Variants in DDX23 observed in about 807,000 individuals in gnomAD.
The protein encoded by DDX23 is DEAD-box helicase 23.
Under a neutral mutation model 102.7 loss-of-function variants are expected in DDX23, and 33 were observed. That is an observed-to-expected ratio of 0.32 (90% CI 0.24 to 0.43). The LOEUF (loss-of-function observed/expected upper bound fraction) is 0.43, where lower values mean the gene tolerates loss of function less well. DDX23 is among the 20% of genes least tolerant of loss of function. The pLI, the probability that DDX23 is intolerant of heterozygous loss-of-function variation, is 1.00. For missense variants in DDX23, 549 were observed against 1,086.6 expected, an observed-to-expected ratio of 0.51 and a Z score of 6.96; for synonymous variants, 352 against 376.0, an observed-to-expected ratio of 0.94 and a Z score of 0.74.
chr12:48,831,351 TG>T (rs780957262), intron 15 of DDX23, 35 bp from the exon 16 acceptor site: 1 of 1,609,468 alleles, frequency 6.2e-7, no homozygotes, highest in Non-Finnish European at 8.5e-7. Context: ...GAGTGAGCAA[TG>T]CAATCAAGGA....
At chr12:48,846,857 C>T (rs965411051) in intron 1 of DDX23, among the ~76,000 whole-genome samples, 4 of 152,076 alleles carry the variant, frequency 2.6e-5, no homozygotes, top group Non-Finnish European at 4.4e-5. Flanking sequence ...TGGGAGACAC[C>T]GAACACCACT....
At chr12:48,843,842 C>T (rs1431476793) in intron 3 of DDX23, 98 bp downstream of exon 3, 2 of 1,375,350 alleles carry the variant, frequency 1.5e-6, no homozygotes, top group African/African-American at 2.9e-5. Context: ...GCCACCACGC[C>T]TGGCGAGAAA....
At chr12:48,845,082 G>A (rs931425997) in intron 2 of DDX23, among the ~76,000 whole-genome samples, 7 of 151,044 alleles carry the variant, frequency 4.6e-5, no homozygotes, top group Admixed American at 2.6e-4. Flanking sequence ...AACCTGGGAG[G>A]CAGAGGTTGC....
chr12:48,831,278 C>T lies in DDX23; in HGVS notation c.2103G>A (p.Glu701=), dbSNP rs761509609. The T allele has an allele frequency of 8.7e-6, 14 of 1,614,100 alleles. No homozygotes were observed. In the African/African-American group the frequency reaches 1.3e-4, roughly 15 times the overall value. The part of the protein sequence containing the change: ...ACTLHGGKGQ[E]QREFALSNLK... ...GGTTGGACAACGCAAACTCTCGCTG[C>T]TCCTGGCCTTTTCCACCGTGCAGTG... is the stretch of plus-strand genomic sequence containing the variant. Residue 701 remains glutamate (E), a synonymous_variant, in exon 16 of 17, where the codon GAG becomes GAA. Coordinates refer to ENST00000308025, the MANE Select transcript of DDX23 (RefSeq NM_004818.3).
In DDX23 at chr12:48,836,828, T is replaced by G; in HGVS notation, c.1011-34A>C. 1 of 1,613,090 alleles carries G rather than the reference T, an allele frequency of 6.2e-7. No individual in the cohort carries two copies. Among genetic ancestry groups the G allele is most frequent in the Non-Finnish European group, 8.5e-7 (1 of 1,179,202 alleles). ...GGGTGTGAGGAGTAAGTAGAATCAG[T>G]GCCCTCCAACTCCTTTCTGTAGAGC... is the stretch of plus-strand genomic sequence containing the variant. On this transcript the variant is annotated intron_variant, in intron 9 of 16. Transcript: ENST00000308025. The surrounding 1 kb of genome is among the most constrained non-coding windows in gnomAD (Gnocchi z 6.1).
Position 48,836,918 on chromosome 12 carries a change from G to C in DDX23, c.986C>G (p.Thr329Ser). 6.2e-7 allele frequency: 1 copy of C among 1,613,762 alleles called. No individual in the cohort carries two copies. The highest frequency in any genetic ancestry group is 8.5e-7 in the Non-Finnish European group (1 of 1,180,038). The part of the protein sequence containing the change: ...FYGDLMEKRR[T>S]LEEKEQEEAR... ...CTCCTCCTGCTCCTTTTCTTCCAGG[G>C]TTCGCCTCTTCTCCATTAGGTCTCC... Residue 329 changes from threonine to serine, a missense_variant, in exon 9 of 17, where the codon ACC becomes AGC. Physicochemically the swap from Thr to Ser is moderately conservative, Grantham distance 58. Around this residue, in one of 4 missense-constraint regions of DDX23, gnomAD observed 270 missense variants for 707.0 expected, o/e 0.38. Coordinates refer to ENST00000308025, the MANE Select transcript of DDX23 (RefSeq NM_004818.3). This position sits in a 1 kb window ranked among gnomAD's most constrained non-coding sequence, Gnocchi z 6.1.
Position 48,832,179 on chromosome 12 carries a change from G to A in DDX23, c.1963C>T (p.Leu655=). 1 of 1,613,980 alleles carries A rather than the reference G, an allele frequency of 6.2e-7. No individual in the cohort carries two copies. The highest frequency in any genetic ancestry group is 1.1e-5 in the South Asian group (1 of 91,080). The change falls in exon 15 of 17, where the codon CTG becomes TTG. Residue 655 remains leucine, a synonymous_variant. Coordinates refer to ENST00000308025, the MANE Select transcript of DDX23 (RefSeq NM_004818.3). The surrounding 1 kb of genome is among the most constrained non-coding windows in gnomAD (Gnocchi z 4.4). ...AAGCCTTGCTCCAAGATTGCCAGCA[G>A]CTTTTTCCTGGAAGGAAGAGGAGAA... is the stretch of plus-strand genomic sequence containing the variant. ...LMSESEKRKK[L]LAILEQGFDP... is the part of the protein sequence containing the mutation.
At chr12:48,834,288 C>G (rs1938432858) in intron 12 of DDX23, 32 bp downstream of exon 12, 2 of 1,583,194 alleles carry the variant, frequency 1.3e-6, no homozygotes, top group Admixed American at 1.8e-5. Flanking sequence ...CCTTCCCAGA[C>G]AGCAGGCTGG....
chr12:48,844,640 T>A (rs1247964849), intron 2 of DDX23, among the ~76,000 whole-genome samples: 2 of 151,012 alleles, frequency 1.3e-5, no homozygotes, highest in Non-Finnish European at 3.0e-5. Context: ...CAACTTTTTT[T>A]TTTTTTATTT....
At chr12:48,842,285 C>G in intron 3 of DDX23, among the ~76,000 whole-genome samples, 1 of 147,472 alleles carries the variant, frequency 6.8e-6, no homozygotes, top group Non-Finnish European at 1.5e-5. Flanking sequence ...GGGGTCAGCC[C>G]CCGGCCCGGC....
At chr12:48,835,391 G>A (rs902703875) in intron 11 of DDX23, among the ~76,000 whole-genome samples, 3 of 151,882 alleles carry the variant, frequency 2.0e-5, no homozygotes, top group African/African-American at 7.3e-5. Context: ...TGGCCAACAT[G>A]GTGAAACCTC....
chr12:48,851,489 G>C (rs1938758093), intron 1 of DDX23, among the ~76,000 whole-genome samples: 2 of 151,314 alleles, frequency 1.3e-5, no homozygotes, highest in South Asian at 4.2e-4. Context: ...AAAAAGAAAA[G>C]AAAAGAAAAA....
intron 1 of DDX23, among the ~76,000 whole-genome samples, chr12:48,848,156 G>C (rs2137497689): frequency 6.6e-6 from 1 of 152,096 alleles, no homozygotes; most frequent in South Asian, 2.1e-4. Flanking sequence ...CGTGGTGGTG[G>C]GCGCCTGTAG....
chr12:48,848,412 G>A lies in DDX23; in HGVS notation c.1-2630C>T, dbSNP rs573277709. On this transcript the variant is annotated intron_variant, in intron 1 of 16. Transcript: ENST00000308025. ...GAATGCTAATGAAGAAAATAAAACA[G>A]TGATATGATGGGTAGGGGTATAACA... 5.9e-5 allele frequency among the ~76,000 whole-genome samples: 9 copies of A among 152,306 alleles called. No individual in the cohort carries two copies. The South Asian group carries it at 1.9e-3, about 32-fold the overall frequency.
chr12:48,848,480 G>C (rs938124306), intron 1 of DDX23, among the ~76,000 whole-genome samples: 1 of 152,158 alleles, frequency 6.6e-6, no homozygotes, highest in Non-Finnish European at 1.5e-5. Context: ...TGACATTTAA[G>C]CTGAGACTTG....
intron 8 of DDX23, 89 bp from the exon 9 acceptor site, chr12:48,837,126 C>T: frequency 6.3e-7 from 1 of 1,579,606 alleles, no homozygotes; most frequent in East Asian, 2.2e-5. Context: ...AACAGTTCTT[C>T]CCAGACAGGG....
chr12:48,839,809 C>T (rs773822222), intron 5 of DDX23, 35 bp downstream of exon 5: 4 of 1,608,634 alleles, frequency 2.5e-6, no homozygotes, highest in Non-Finnish European at 3.4e-6. Flanking sequence ...GTTATGGCAG[C>T]CTGAGCCGAT....
In DDX23 at chr12:48,832,265, T is replaced by C; in HGVS notation, c.1956-79A>G. The C allele has an allele frequency of 6.4e-7, 1 of 1,566,044 alleles. No homozygotes were observed. The highest frequency in any genetic ancestry group is 8.8e-7 in the Non-Finnish European group (1 of 1,140,058). On this transcript the variant is annotated intron_variant, in intron 14 of 16. Coordinates refer to ENST00000308025, the MANE Select transcript of DDX23 (RefSeq NM_004818.3). The surrounding 1 kb of genome is among the most constrained non-coding windows in gnomAD (Gnocchi z 4.4). ...ATGCCCAACCCTCATCTATGAACAC[T>C]ACTTTCAGGGTCTTTAATGCCCATG...
intron 1 of DDX23, among the ~76,000 whole-genome samples, chr12:48,847,975 G>C (rs1938695160): frequency 6.6e-6 from 1 of 151,986 alleles, no homozygotes; most frequent in Non-Finnish European, 1.5e-5. Flanking sequence ...AGGTAACGGA[G>C]ACAAAGCAGT....
Sources: gnomAD v4.1 joint callset for allele counts (sites outside exome capture counted in the v4.1 genomes callset) on GRCh38, gnomAD v4.1.1 for gene constraint, gnomAD v4.1.1 regional missense constraint, Gnocchi (gnomAD v3.1) non-coding constraint, MANE v1.5 for transcripts, NCBI Gene and HGNC (gene_info 2026-07-23, HGNC 2026-07-21) for gene names.